The following PPP6R3 variants were observed in gnomAD, a reference collection of about 807,000 sequenced individuals.
PPP6R3 encodes the protein protein phosphatase 6 regulatory subunit 3, also known as serine/threonine-protein phosphatase 6 regulatory subunit 3.
Under a neutral mutation model 110.7 loss-of-function variants are expected in PPP6R3, and 38 were observed. The observed-to-expected ratio is 0.34, with a 90% confidence interval of 0.26 to 0.45. The LOEUF is 0.45. Among genes scored for constraint, PPP6R3 ranks in the 20% least tolerant of loss-of-function variants. The probability of loss-of-function intolerance (pLI) is 1.00; values close to 1 mark genes in which losing one functional copy is unlikely to be tolerated. For synonymous variants in PPP6R3, 369 were observed against 373.5 expected, an observed-to-expected ratio of 0.99 and a Z score of 0.14; for missense variants, 870 against 1,062.4, an observed-to-expected ratio of 0.82 and a Z score of 2.52.
chr11:68,528,440 G>GC (rs201128828), intron 2 of PPP6R3, among the ~76,000 whole-genome samples: 2 of 145,620 alleles, frequency 1.4e-5, no homozygotes, highest in Non-Finnish European at 3.0e-5. Context: ...GTGTGGGGGG[G>GC]GGGGCTGCAC....
chr11:68,528,104 G>A (rs2099210521), intron 2 of PPP6R3, among the ~76,000 whole-genome samples: 1 of 152,002 alleles, frequency 6.6e-6, no homozygotes, highest in African/African-American at 2.4e-5. Context: ...ATTTTTCAAG[G>A]CTTTAGGGAC....
chr11:68,606,007 T>C (rs762368999), intron 22 of PPP6R3, among the ~76,000 whole-genome samples: 2 of 152,206 alleles, frequency 1.3e-5, no homozygotes, highest in Non-Finnish European at 2.9e-5. Context: ...AAATGATCAG[T>C]TCATGCCACT....
At chr11:68,568,093 G>A (rs145431680) in intron 10 of PPP6R3, among the ~76,000 whole-genome samples, 3 of 152,146 alleles carry the variant, frequency 2.0e-5, no homozygotes, top group Admixed American at 6.5e-5. Flanking sequence ...TAGCGTCACC[G>A]AGATATTTTT....
In PPP6R3 at chr11:68,614,852, G is replaced by T. The variant is rs746919664; in HGVS notation, c.*1735G>T. 1.8e-6 allele frequency: 2 copies of T among 1,091,290 alleles called. No individual in the cohort carries two copies. Among genetic ancestry groups the T allele is most frequent in the Non-Finnish European group, 2.7e-6 (2 of 738,844 alleles). 67.6% of individuals were successfully genotyped at this position (1,091,290 alleles called of 1,614,324 possible). A position where few individuals can be genotyped will look rare whatever the true frequency, so the allele number is the denominator to read the frequency against. On this transcript the variant is annotated 3_prime_UTR_variant, in exon 24 of 24. Transcript: ENST00000393800. ...CTCAGGGCTGCCTGACTTGAATGGC[G>T]TTGGACCTCGGGGATTACTGGTAGA... is the stretch of plus-strand genomic sequence containing the variant.
At chr11:68,576,073 T>G in intron 14 of PPP6R3, 30 bp downstream of exon 14, 1 of 1,485,534 alleles carries the variant, frequency 6.7e-7, no homozygotes, top group Non-Finnish European at 9.3e-7. Flanking sequence ...ATTTTTATTC[T>G]TTCAGTGCTC....
At chr11:68,471,111 C>T (rs891601527) in intron 1 of PPP6R3, among the ~76,000 whole-genome samples, 4 of 151,366 alleles carry the variant, frequency 2.6e-5, no homozygotes, top group African/African-American at 9.7e-5. Flanking sequence ...GAAACCCCGT[C>T]TCTACTAAAA....
At chr11:68,554,343 T>C (rs1252860028) in intron 7 of PPP6R3, 86 bp downstream of exon 7, 10 of 1,012,320 alleles carry the variant, frequency 9.9e-6, no homozygotes, top group Non-Finnish European at 1.4e-5. Flanking sequence ...AAGTGTTCCT[T>C]ATGTGGGAAT....
At chr11:68,610,174 A>G in intron 23 of PPP6R3, 151 bp downstream of exon 23, 1 of 1,093,286 alleles carries the variant, frequency 9.1e-7, no homozygotes, top group South Asian at 1.7e-5. Context: ...TCAGTCCTTA[A>G]TGAGCTGAGT....
chr11:68,600,533 G>A (rs1311343446), intron 20 of PPP6R3, 39 bp downstream of exon 20: 5 of 1,578,300 alleles, frequency 3.2e-6, no homozygotes, highest in African/African-American at 2.7e-5. Flanking sequence ...CTTCCACGGG[G>A]GACCTGGGAA....
At chr11:68,604,795 A>G (rs1389726123) in intron 22 of PPP6R3, among the ~76,000 whole-genome samples, 1 of 152,212 alleles carries the variant, frequency 6.6e-6, no homozygotes, top group East Asian at 1.9e-4. Flanking sequence ...ACAGTTTAAA[A>G]TCTCATGGAA....
intron 14 of PPP6R3, among the ~76,000 whole-genome samples, chr11:68,580,783 T>C (rs1183760225): frequency 2.3e-5 from 1 of 43,196 alleles, no homozygotes; most frequent in African/African-American, 8.2e-5. Flanking sequence ...TTTTTTTTTT[T>C]TTTTTTGAGA....
chr11:68,607,742 T>G (rs1490499800), intron 22 of PPP6R3, among the ~76,000 whole-genome samples: 2 of 152,186 alleles, frequency 1.3e-5, no homozygotes, highest in Non-Finnish European at 2.9e-5. Context: ...TGTCTGCCTA[T>G]CTAATCTATC....
chr11:68,533,403 G>C (rs181732036), intron 2 of PPP6R3, among the ~76,000 whole-genome samples: 1 of 152,148 alleles, frequency 6.6e-6, no homozygotes, highest in Admixed American at 6.5e-5. Flanking sequence ...TTCTAACTCC[G>C]AATAGTGGGG....
At chr11:68,559,774 C>T (rs2099412053) in intron 8 of PPP6R3, among the ~76,000 whole-genome samples, 1 of 151,914 alleles carries the variant, frequency 6.6e-6, no homozygotes, top group Non-Finnish European at 1.5e-5. Context: ...TCTTCCCACC[C>T]CAGGGGTACA....
intron 23 of PPP6R3, among the ~76,000 whole-genome samples, chr11:68,610,780 G>T (rs1263893841): frequency 6.6e-6 from 1 of 152,124 alleles, no homozygotes; most frequent in Non-Finnish European, 1.5e-5. Context: ...AGCTAAGATT[G>T]TATATTCCTT....
intron 7 of PPP6R3, among the ~76,000 whole-genome samples, chr11:68,557,979 T>C (rs2099405878): frequency 6.6e-6 from 1 of 152,268 alleles, no homozygotes; most frequent in African/African-American, 2.4e-5. Context: ...GATAATGCTT[T>C]TTGGACATTT....
chr11:68,555,512 C>T (rs978471019), intron 7 of PPP6R3, among the ~76,000 whole-genome samples: 5 of 152,288 alleles, frequency 3.3e-5, no homozygotes, highest in African/African-American at 1.2e-4. Flanking sequence ...TGCTTGATAG[C>T]CACATGTAGT....
intron 1 of PPP6R3, among the ~76,000 whole-genome samples, chr11:68,500,585 C>T (rs2099043398): frequency 6.6e-6 from 1 of 152,192 alleles, no homozygotes; most frequent in South Asian, 2.1e-4. Context: ...TCAAGCAATT[C>T]TCCTACCTCA....
At chr11:68,472,940 CTGAATAGTGTTCAATTGTA>C (rs1477815446) in intron 1 of PPP6R3, among the ~76,000 whole-genome samples, 1 of 152,140 alleles carries the variant, frequency 6.6e-6, no homozygotes, top group African/African-American at 2.4e-5. Context: ...TTTTTAGTTG[CTGAATAGTGTTCAATTGTA>C]TGGATATACC....
Sources: gnomAD v4.1 joint callset for allele counts (sites outside exome capture counted in the v4.1 genomes callset) on GRCh38, gnomAD v4.1.1 for gene constraint, MANE v1.5 for transcripts, NCBI Gene and HGNC (gene_info 2026-07-23, HGNC 2026-07-21) for gene names.